The following UPB1 variants were observed in gnomAD, a reference collection of about 807,000 sequenced individuals.
UPB1 encodes the protein beta-ureidopropionase.
UPB1 carries 40 observed loss-of-function variants against 49.1 expected under a neutral mutation model. The observed-to-expected ratio is 0.81, with a 90% CI of 0.63 to 1.06. The LOEUF (loss-of-function observed/expected upper bound fraction) is 1.06. UPB1 is among the 50% of genes least tolerant of loss of function. The pLI, the probability that UPB1 is intolerant of heterozygous loss-of-function variation, is 0.00. For synonymous variants in UPB1, 207 were observed against 198.2 expected, an observed-to-expected ratio of 1.04 and a Z score of -0.38; for missense variants, 499 against 505.9, an observed-to-expected ratio of 0.99 and a Z score of 0.13.
chr22:24,509,586 G>A, intron 3 of UPB1, among the ~76,000 whole-genome samples: 1 of 151,774 alleles, frequency 6.6e-6, no homozygotes, highest in Non-Finnish European at 1.5e-5. Context: ...TCACTAGGAG[G>A]AGGGGGGGTC....
intron 3 of UPB1, among the ~76,000 whole-genome samples, chr22:24,504,849 T>C (rs572622838): frequency 1.4e-5 from 2 of 144,432 alleles, no homozygotes; most frequent in East Asian, 4.3e-4. Context: ...CGCCCCAGCC[T>C]CCTGAGTAGC....
At chr22:24,502,442 C>T (rs748530612) in intron 3 of UPB1, 7 of 782,032 alleles carry the variant, frequency 9.0e-6, no homozygotes, top group African/African-American at 5.1e-5. Context: ...ATTCGCTCCT[C>T]TCCATCTCTC....
chr22:24,523,694 C>T lies in UPB1; in HGVS notation c.992C>T (p.Ser331Phe). 1 of 1,614,274 alleles carries T rather than the reference C, an allele frequency of 6.2e-7. No individual in the cohort carries two copies. Reference sequence around the variant, plus strand: ...GACAGCAGCCGGACTCCTGGGCTGTCCCGTAGCCGGGATGGACTGCTAGTT... The same window carrying T: ...GACAGCAGCCGGACTCCTGGGCTGTTCCGTAGCCGGGATGGACTGCTAGTT... ...APDSSRTPGLSRSRDGLLVAK... is the reference protein window; with the variant it reads ...APDSSRTPGLFRSRDGLLVAK... Residue 331 changes from serine (S) to phenylalanine (F), a missense_variant, in exon 9 of 10, where the codon TCC becomes TTC. By Grantham distance (155) the Ser-to-Phe change is radical (BLOSUM62 -2). Transcript: ENST00000326010.
intron 1 of UPB1, among the ~76,000 whole-genome samples, chr22:24,497,286 G>A (rs1405037088): frequency 5.3e-5 from 8 of 152,208 alleles, no homozygotes; most frequent in Non-Finnish European, 8.8e-5. Flanking sequence ...TGAGTTTTGG[G>A]ACTAGGGGTG....
intron 1 of UPB1, among the ~76,000 whole-genome samples, chr22:24,498,328 G>A (rs376595795): frequency 6.6e-6 from 1 of 152,188 alleles, no homozygotes; most frequent in Non-Finnish European, 1.5e-5. Context: ...CAGGCCTTTC[G>A]GTGGGCACAG....
Position 24,515,373 on chromosome 22 carries a change from C to T in UPB1, c.791+3C>T, listed in dbSNP as rs781442372. On this transcript the variant is annotated splice_donor_region_variant and intron_variant, in intron 6 of 9. Transcript: ENST00000326010. The stretch of plus-strand genomic sequence containing the variant: ...TCGGCCACGATAGGAGCACTCAGGT[C>T]ACTCAGTTGGTGGGGTCTGGGGGGC... 1.9e-6 allele frequency: 3 copies of T among 1,614,042 alleles called. No homozygotes were observed. The highest frequency in any genetic ancestry group is 2.5e-6 in the Non-Finnish European group (3 of 1,179,954).
chr22:24,521,903 C>T lies in UPB1; in HGVS notation c.874-83C>T, dbSNP rs1018194496. On this transcript the variant is annotated intron_variant, in intron 7 of 9. Coordinates refer to ENST00000326010, the MANE Select transcript of UPB1 (RefSeq NM_016327.3). Reference sequence around the variant, plus strand: ...TGACTCGCCTCTCGGCCTGATTGCCCTGCTCATCTGGCTGAGTGAGCTGGA... The same window carrying T: ...TGACTCGCCTCTCGGCCTGATTGCCTTGCTCATCTGGCTGAGTGAGCTGGA... 2.7e-6 allele frequency: 4 copies of T among 1,458,812 alleles called. No homozygotes were observed. In the African/African-American group the frequency reaches 5.6e-5, roughly 20 times the overall value. 90.4% of individuals were successfully genotyped at this position (1,458,812 alleles called of 1,614,324 possible).
In UPB1 at chr22:24,504,043, G is replaced by A. The variant is rs578113775; in HGVS notation, c.364+1830G>A. Among the ~76,000 whole-genome samples the A allele has an allele frequency of 8.1e-4, 123 of 152,192 alleles. 1 individual carries two copies. The highest frequency in any genetic ancestry group is 1.3e-3 in the Non-Finnish European group (86 of 68,032). ...ATGTGCCAGTATAAACAAGTTTCAC[G>A]TATGAGGGACCCCCTGGTCACGGGT... On this transcript the variant is annotated intron_variant, in intron 3 of 9. Transcript: ENST00000326010.
chr22:24,525,013 C>T (rs1434359588), intron 9 of UPB1, among the ~76,000 whole-genome samples: 1 of 152,118 alleles, frequency 6.6e-6, no homozygotes, highest in Admixed American at 6.6e-5. Flanking sequence ...TCTTCCTGGG[C>T]AACTAGGATG....
At chr22:24,497,025 TTCTC>T (rs1424770029) in intron 1 of UPB1, among the ~76,000 whole-genome samples, 1 of 152,144 alleles carries the variant, frequency 6.6e-6, no homozygotes, top group East Asian at 1.9e-4. Flanking sequence ...CTGTCCCTCT[TTCTC>T]TTTCTTCCTC....
chr22:24,515,429 G>A, intron 6 of UPB1, 59 bp downstream of exon 6: 7 of 1,611,882 alleles, frequency 4.3e-6, no homozygotes, highest in Admixed American at 3.3e-5. Context: ...AAAGCCCAAG[G>A]CTGGGCTGTG....
rs766395052 is a variant in UPB1, at chr22:24,495,512, G to A, written c.104+5G>A. 46 of 1,613,824 alleles carry A rather than the reference G, an allele frequency of 2.9e-5. No homozygotes were observed. The highest frequency in any genetic ancestry group is 3.9e-5 in the Non-Finnish European group (46 of 1,179,968). On this transcript the variant is annotated splice_donor_5th_base_variant and intron_variant, in intron 1 of 9. Transcript: ENST00000326010. ...TCTCTATGGCAAGGAACTCAGGTCC[G>A]CAGCCAAGAGGCTAAGCTAATGGGG...
intron 4 of UPB1, among the ~76,000 whole-genome samples, chr22:24,512,220 AG>A (rs1446617436): frequency 6.6e-6 from 1 of 152,178 alleles, no homozygotes; most frequent in Non-Finnish European, 1.5e-5. Context: ...GGACTTTTGC[AG>A]ATGATAAGTC....
At chr22:24,518,327 A>G (rs2044332232) in intron 6 of UPB1, 1 of 152,206 alleles carries the variant, frequency 6.6e-6, no homozygotes, top group African/African-American at 2.4e-5. Flanking sequence ...AGGTAATGCA[A>G]AGTGATGAAA....
At chr22:24,511,350 A>C (rs1216880729) in intron 4 of UPB1, among the ~76,000 whole-genome samples, 2 of 152,178 alleles carry the variant, frequency 1.3e-5, no homozygotes, top group African/African-American at 4.8e-5. Flanking sequence ...TAGAGACAGA[A>C]AGTAGATAAG....
chr22:24,499,962 T>A, intron 1 of UPB1, 145 bp from the exon 2 acceptor site: 2 of 1,215,532 alleles, frequency 1.6e-6, no homozygotes, highest in Non-Finnish European at 1.2e-6. Context: ...GCTCGCCAGC[T>A]CCCTTGGGCC....
At chr22:24,515,811 A>G (rs1169688946) in intron 6 of UPB1, among the ~76,000 whole-genome samples, 2 of 152,124 alleles carry the variant, frequency 1.3e-5, no homozygotes, top group Non-Finnish European at 2.9e-5. Flanking sequence ...CCCTGTCTCT[A>G]CTAAAAATAC....
At chr22:24,497,052 C>G (rs1241653699) in intron 1 of UPB1, among the ~76,000 whole-genome samples, 1 of 152,116 alleles carries the variant, frequency 6.6e-6, no homozygotes, top group African/African-American at 2.4e-5. Flanking sequence ...CTTCTCTCCC[C>G]CCTATCTCCC....
intron 1 of UPB1, among the ~76,000 whole-genome samples, chr22:24,496,380 C>CACACACACACACACACACACAT (rs2043880513): frequency 7.3e-6 from 1 of 136,426 alleles, no homozygotes; most frequent in Non-Finnish European, 1.5e-5. Flanking sequence ...CAAACACACA[C>CACACACACACACACACACACAT]ACACACACAC....
Sources: gnomAD v4.1 joint callset for allele counts (sites outside exome capture counted in the v4.1 genomes callset) on GRCh38, gnomAD v4.1.1 for gene constraint, MANE v1.5 for transcripts, NCBI Gene and HGNC (gene_info 2026-07-23, HGNC 2026-07-21) for gene names.